NLGN1: variants seen among roughly 807,000 people sequenced by gnomAD.
The protein encoded by NLGN1 is neuroligin 1.
NLGN1 carries 12 observed loss-of-function variants against 65.5 expected under a neutral mutation model. The ratio of observed to expected loss-of-function variants is 0.18; its 90% CI spans 0.12 to 0.30. NLGN1 has a LOEUF of 0.30. Among genes scored for constraint, NLGN1 ranks in the 10% least tolerant of loss-of-function variants. NLGN1 has a pLI of 1.00. For synonymous variants in NLGN1, 350 were observed against 359.5 expected (o/e 0.97, Z 0.30); for missense variants, 750 against 1,007.1 (o/e 0.74, Z 3.46).
intron 3 of NLGN1, among the ~76,000 whole-genome samples, chr3:173,650,164 A>G (rs1758921370): frequency 1.3e-5 from 2 of 152,106 alleles, no homozygotes; most frequent in South Asian, 4.2e-4. Context: ...TACATCTTAG[A>G]TGTAACACAG....
At chr3:173,639,138 A>G (rs1051086271) in intron 3 of NLGN1, among the ~76,000 whole-genome samples, 5 of 152,008 alleles carry the variant, frequency 3.3e-5, no homozygotes, top group African/African-American at 9.7e-5. Flanking sequence ...TTGCTTCCTC[A>G]CCCTAAATGT....
At chr3:173,689,735 A>C (rs923731832) in intron 3 of NLGN1, among the ~76,000 whole-genome samples, 3 of 152,202 alleles carry the variant, frequency 2.0e-5, no homozygotes, top group Admixed American at 6.5e-5. Context: ...CTCCCACTCT[A>C]CCTTGCCCCA....
chr3:173,679,229 T>A, intron 3 of NLGN1, among the ~76,000 whole-genome samples: 1 of 147,624 alleles, frequency 6.8e-6, no homozygotes, highest in Non-Finnish European at 1.5e-5. Context: ...AAAAGAAAAA[T>A]GTAAATGATT....
At chr3:173,723,446 C>T (rs571265361) in intron 3 of NLGN1, among the ~76,000 whole-genome samples, 1 of 152,104 alleles carries the variant, frequency 6.6e-6, no homozygotes, top group South Asian at 2.1e-4. Flanking sequence ...TGCTGGTCTG[C>T]CTCTGTTTCT....
chr3:173,539,640 A>ATGTATATATG (rs757003935), intron 2 of NLGN1, among the ~76,000 whole-genome samples: 46,845 of 111,420 alleles, frequency 0.42, 9,774 homozygotes, highest in East Asian at 0.8. Context: ...ATACACATAT[A>ATGTATATATG]TACATATATA....
At chr3:174,200,378 C>T (rs541537697) in intron 4 of NLGN1, among the ~76,000 whole-genome samples, 1 of 152,310 alleles carries the variant, frequency 6.6e-6, no homozygotes, top group African/African-American at 2.4e-5. Flanking sequence ...AAACCCAAAG[C>T]TTGAGTCTTC....
At chr3:173,806,301 A>G (rs1316432567) in intron 3 of NLGN1, among the ~76,000 whole-genome samples, 4 of 152,080 alleles carry the variant, frequency 2.6e-5, no homozygotes, top group South Asian at 2.1e-4. Flanking sequence ...TACACATTCT[A>G]TTTTTTTACA....
chr3:173,882,721 A>G (rs964145118), intron 4 of NLGN1, among the ~76,000 whole-genome samples: 2 of 152,218 alleles, frequency 1.3e-5, no homozygotes, highest in African/African-American at 4.8e-5. Flanking sequence ...AACCTTCTCC[A>G]TATCATCAAT....
At chr3:173,559,516 A>G (rs1354376638) in intron 2 of NLGN1, among the ~76,000 whole-genome samples, 4 of 152,180 alleles carry the variant, frequency 2.6e-5, no homozygotes, top group East Asian at 1.9e-4. Context: ...AGCACCCACC[A>G]TGCTTCACTA....
At chr3:174,081,871 T>C (rs1414881219) in intron 4 of NLGN1, among the ~76,000 whole-genome samples, 1 of 152,074 alleles carries the variant, frequency 6.6e-6, no homozygotes, top group Non-Finnish European at 1.5e-5. Flanking sequence ...ATGCCCGGCC[T>C]AGGTTTTCAA....
intron 3 of NLGN1, among the ~76,000 whole-genome samples, chr3:173,711,200 G>C (rs555009021): frequency 1.3e-5 from 2 of 152,218 alleles, no homozygotes; most frequent in African/African-American, 4.8e-5. Flanking sequence ...CCTCATTTTG[G>C]TCATCTTTTG....
intron 4 of NLGN1, among the ~76,000 whole-genome samples, chr3:173,956,410 C>G (rs948183118): frequency 1.3e-5 from 2 of 152,144 alleles, no homozygotes; most frequent in Admixed American, 1.3e-4. Flanking sequence ...CCTCCTTCTT[C>G]CCTTATCTCT....
In NLGN1 at chr3:173,957,215, T is replaced by C. The variant is rs547750292; in HGVS notation, c.646+149383T>C. ...AAATGTGTTTATTTGCCTGGATAAG[T>C]TGTTTATCCAGACAAATATTAATCA... On this transcript the variant is annotated intron_variant, in intron 4 of 6. Transcript: ENST00000457714. Among the ~76,000 whole-genome samples, 23 of 152,254 alleles carry C rather than the reference T, an allele frequency of 1.5e-4. No homozygotes were observed. In the East Asian group the frequency reaches 3.7e-3, roughly 24 times the overall value.
At chr3:173,696,910 T>C (rs571130624) in intron 3 of NLGN1, among the ~76,000 whole-genome samples, 43 of 152,332 alleles carry the variant, frequency 2.8e-4, no homozygotes, top group African/African-American at 9.6e-4. Context: ...GTAGTATGTT[T>C]CATAGAAGTA....
intron 4 of NLGN1, among the ~76,000 whole-genome samples, chr3:173,824,010 G>C (rs143272348): frequency 1.0e-3 from 153 of 151,906 alleles, no homozygotes; most frequent in Middle Eastern, 3.4e-3. Flanking sequence ...GTTTTCCAGA[G>C]GTTTGGAAGA....
chr3:174,078,939 A>G (rs1741562784), intron 4 of NLGN1, among the ~76,000 whole-genome samples: 1 of 152,198 alleles, frequency 6.6e-6, no homozygotes, highest in East Asian at 1.9e-4. Context: ...CTGCATTTCT[A>G]TAAATGAAGA....
At chr3:174,147,239 G>T (rs1723450517) in intron 4 of NLGN1, among the ~76,000 whole-genome samples, 1 of 152,014 alleles carries the variant, frequency 6.6e-6, no homozygotes, top group Admixed American at 6.6e-5. Context: ...GTCTGTAAAA[G>T]TTCCCGGCTC....
intron 4 of NLGN1, among the ~76,000 whole-genome samples, chr3:174,256,933 A>G (rs1391251277): frequency 6.6e-6 from 1 of 152,166 alleles, no homozygotes; most frequent in Non-Finnish European, 1.5e-5. Context: ...AACTAAAGAG[A>G]TTCTGCACAG....
intron 2 of NLGN1, among the ~76,000 whole-genome samples, chr3:173,487,204 T>C (rs543046494): frequency 6.6e-6 from 1 of 152,188 alleles, no homozygotes; most frequent in East Asian, 1.9e-4. Context: ...AAAACATATA[T>C]GGTGTTCTCA....
Sources: allele counts gnomAD v4.1 joint callset (sites outside exome capture counted in the v4.1 genomes callset), GRCh38; gene constraint gnomAD v4.1.1; transcripts MANE v1.5; gene names NCBI Gene and HGNC (gene_info 2026-07-23, HGNC 2026-07-21).